The following CHRM3 variants were observed in gnomAD, a reference collection of about 807,000 sequenced individuals.
CHRM3 encodes the protein muscarinic acetylcholine receptor M3.
Under a neutral mutation model 41.8 loss-of-function variants are expected in CHRM3, and 11 were observed. The ratio of observed to expected loss-of-function variants is 0.26; its 90% CI spans 0.17 to 0.44. The LOEUF (loss-of-function observed/expected upper bound fraction) is 0.44. Among genes scored for constraint, CHRM3 ranks in the 20% least tolerant of loss-of-function variants. The pLI is 1.00. For missense variants in CHRM3, 571 were observed against 745.4 expected (o/e 0.77, Z 2.72); for synonymous variants, 297 against 301.4 (o/e 0.99, Z 0.15).
intron 6 of CHRM3, among the ~76,000 whole-genome samples, chr1:239,837,009 C>CAAGT (rs1673380237): frequency 6.6e-6 from 1 of 151,112 alleles, no homozygotes; most frequent in African/African-American, 2.4e-5. Flanking sequence ...AGGGGAGAGG[C>CAAGT]AAGTATGAGG....
intron 3 of CHRM3, among the ~76,000 whole-genome samples, chr1:239,572,485 TAA>T (rs1661917469): frequency 6.6e-6 from 1 of 152,208 alleles, no homozygotes; most frequent in Admixed American, 6.5e-5. Flanking sequence ...TAGTTCTGTA[TAA>T]ATTTGCATCA....
chr1:239,492,395 C>T (rs1459670786), intron 1 of CHRM3, among the ~76,000 whole-genome samples: 2 of 152,158 alleles, frequency 1.3e-5, no homozygotes, highest in East Asian at 3.9e-4. Context: ...TGCTTCATTG[C>T]TCGCAGAGAG....
At chr1:239,900,435 A>G (rs972431163) in intron 6 of CHRM3, among the ~76,000 whole-genome samples, 8 of 135,080 alleles carry the variant, frequency 5.9e-5, no homozygotes, top group African/African-American at 2.0e-4. Flanking sequence ...TCCTGTTGTC[A>G]TCCTGGGTAC....
chr1:239,516,581 G>A (rs9428835), intron 2 of CHRM3, among the ~76,000 whole-genome samples: 77,545 of 152,048 alleles, frequency 0.51, 20,074 homozygotes, highest in Middle Eastern at 0.65. Flanking sequence ...GGCGTTCACA[G>A]CCTCTTGAAG....
intron 1 of CHRM3, among the ~76,000 whole-genome samples, chr1:239,447,222 T>G (rs910117555): frequency 2.0e-5 from 3 of 152,142 alleles, no homozygotes; most frequent in Non-Finnish European, 4.4e-5. Flanking sequence ...GGAAGTATAT[T>G]TTTCTTTTAG....
chr1:239,481,686 G>T (rs1390177550), intron 1 of CHRM3, among the ~76,000 whole-genome samples: 1 of 152,178 alleles, frequency 6.6e-6, no homozygotes, highest in African/African-American at 2.4e-5. Flanking sequence ...GGATGGCTTA[G>T]AATAACATGT....
intron 5 of CHRM3, among the ~76,000 whole-genome samples, chr1:239,708,433 G>A (rs527709174): frequency 9.2e-5 from 14 of 152,186 alleles, no homozygotes; most frequent in Admixed American, 3.3e-4. Context: ...AGCTGGAGTC[G>A]TATTCCAAAA....
intron 6 of CHRM3, among the ~76,000 whole-genome samples, chr1:239,866,205 G>T (rs757425352): frequency 1.4e-4 from 21 of 152,000 alleles, no homozygotes; most frequent in Non-Finnish European, 3.1e-4. Context: ...GTGAAACCCC[G>T]TCTCTACTAA....
chr1:239,711,629 C>T (rs1395027911), intron 5 of CHRM3, among the ~76,000 whole-genome samples: 1 of 151,654 alleles, frequency 6.6e-6, no homozygotes, highest in Middle Eastern at 3.2e-3. Context: ...AGTCCACTGC[C>T]CCACTCCCTC....
intron 4 of CHRM3, among the ~76,000 whole-genome samples, chr1:239,645,408 C>T (rs1480299171): frequency 6.6e-6 from 1 of 152,190 alleles, no homozygotes; most frequent in Non-Finnish European, 1.5e-5. Flanking sequence ...ATTATATGAT[C>T]ACAGATTAAA....
At chr1:239,615,872 C>A (rs544775762) in intron 3 of CHRM3, among the ~76,000 whole-genome samples, 2 of 152,318 alleles carry the variant, frequency 1.3e-5, no homozygotes, top group Non-Finnish European at 2.9e-5. Context: ...TTACATGCCA[C>A]TCTTCTAGTG....
intron 6 of CHRM3, among the ~76,000 whole-genome samples, chr1:239,831,064 C>T (rs752393238): frequency 6.6e-5 from 10 of 151,856 alleles, no homozygotes; most frequent in Middle Eastern, 3.4e-3. Flanking sequence ...TGTAACATTT[C>T]GTTATTATTG....
intron 3 of CHRM3, among the ~76,000 whole-genome samples, chr1:239,623,109 C>A (rs1038847414): frequency 2.6e-5 from 4 of 151,980 alleles, no homozygotes; most frequent in African/African-American, 4.8e-5. Flanking sequence ...TATTTTCTAG[C>A]AATAAAGGTT....
At chr1:239,530,857 A>G (rs1304409229) in intron 2 of CHRM3, among the ~76,000 whole-genome samples, 2 of 152,216 alleles carry the variant, frequency 1.3e-5, no homozygotes, top group African/African-American at 4.8e-5. Context: ...CATCAAGCAT[A>G]TCAATGTATG....
At chr1:239,405,865 T>C (rs1660552666) in intron 1 of CHRM3, among the ~76,000 whole-genome samples, 1 of 152,176 alleles carries the variant, frequency 6.6e-6, no homozygotes, top group Non-Finnish European at 1.5e-5. Context: ...CTATCTGCTC[T>C]ATTTATAGAG....
chr1:239,713,265 A>G (rs1214008489), intron 5 of CHRM3, among the ~76,000 whole-genome samples: 1 of 152,158 alleles, frequency 6.6e-6, no homozygotes, highest in Non-Finnish European at 1.5e-5. Flanking sequence ...ACCCTTAACC[A>G]AGTCATTTCT....
chr1:239,617,695 C>T (rs1316754815), intron 3 of CHRM3, among the ~76,000 whole-genome samples: 1 of 152,186 alleles, frequency 6.6e-6, no homozygotes, highest in Non-Finnish European at 1.5e-5. Flanking sequence ...GATGGCACCA[C>T]TGCATTTATA....
chr1:239,427,850 A>G (rs1377319424), intron 1 of CHRM3, among the ~76,000 whole-genome samples: 1 of 152,160 alleles, frequency 6.6e-6, no homozygotes, highest in Non-Finnish European at 1.5e-5. Context: ...TCTAAGTAAG[A>G]GGAAACATTG....
chr1:239,684,531 T>TA (rs1024820684), intron 5 of CHRM3, among the ~76,000 whole-genome samples: 2 of 150,884 alleles, frequency 1.3e-5, no homozygotes, highest in African/African-American at 2.4e-5. Context: ...CCATCTCTAC[T>TA]AAAAAATGCA....
Sources: gnomAD v4.1 joint callset for allele counts (sites outside exome capture counted in the v4.1 genomes callset) on GRCh38, gnomAD v4.1.1 for gene constraint, MANE v1.5 for transcripts, NCBI Gene and HGNC (gene_info 2026-07-23, HGNC 2026-07-21) for gene names.